The following PCDH9 variants were observed in gnomAD, a reference collection of about 807,000 sequenced individuals.
PCDH9 encodes protocadherin-9.
PCDH9 carries 24 observed loss-of-function variants against 70.6 expected under a neutral mutation model. The observed-to-expected ratio is 0.34, with a 90% CI of 0.25 to 0.48. The LOEUF is 0.48. Among genes scored for constraint, PCDH9 ranks in the 20% least tolerant of loss-of-function variants. The probability of loss-of-function intolerance (pLI) is 0.99; values close to 1 mark genes in which losing one functional copy is unlikely to be tolerated. For synonymous variants in PCDH9, 562 were observed against 558.5 expected (o/e 1.01, Z -0.09); for missense variants, 1,281 against 1,503.6 (o/e 0.85, Z 2.45).
At chr13:66,383,036 CAA>C (rs1956874282) in intron 4 of PCDH9, among the ~76,000 whole-genome samples, 2 of 12,342 alleles carry the variant, frequency 1.6e-4, no homozygotes, top group Admixed American at 1.3e-3. Context: ...TCAAAACAAA[CAA>C]AAACAAACAA....
chr13:66,636,128 G>C (rs2077633875), intron 3 of PCDH9, among the ~76,000 whole-genome samples: 1 of 152,048 alleles, frequency 6.6e-6, no homozygotes, highest in Middle Eastern at 3.2e-3. Context: ...CATATACCAA[G>C]TGTTTAAAGT....
chr13:66,397,842 A>G (rs1040718110), intron 4 of PCDH9, among the ~76,000 whole-genome samples: 1 of 151,996 alleles, frequency 6.6e-6, no homozygotes, highest in Admixed American at 6.6e-5. Context: ...ATGCAAAATA[A>G]CAAAAAATTA....
chr13:66,979,371 A>C (rs2083690872), intron 2 of PCDH9, among the ~76,000 whole-genome samples: 1 of 152,154 alleles, frequency 6.6e-6, no homozygotes, highest in African/African-American at 2.4e-5. Flanking sequence ...TTTTATCCAA[A>C]GTCTGTAAAT....
chr13:66,395,464 G>A (rs895297237), intron 4 of PCDH9, among the ~76,000 whole-genome samples: 20 of 151,964 alleles, frequency 1.3e-4, no homozygotes, highest in Non-Finnish European at 2.6e-4. Context: ...AGCAGGGCAC[G>A]GTGGCACGCG....
At chr13:67,224,640 C>T (rs538695528) in intron 2 of PCDH9, 5 of 192,568 alleles carry the variant, frequency 2.6e-5, no homozygotes, top group African/African-American at 9.5e-5. Flanking sequence ...TGAGTTATGA[C>T]AGATCACTTA....
At chr13:66,390,229 A>C (rs1295685832) in intron 4 of PCDH9, among the ~76,000 whole-genome samples, 1 of 152,198 alleles carries the variant, frequency 6.6e-6, no homozygotes, top group Non-Finnish European at 1.5e-5. Flanking sequence ...GGCAAGCATG[A>C]TAGACTAAGC....
chr13:67,226,416 G>A lies in PCDH9; in HGVS notation c.2025C>T (p.Val675=). 1 of 1,614,118 alleles carries A rather than the reference G, an allele frequency of 6.2e-7. No homozygotes were observed. The highest frequency in any genetic ancestry group is 8.5e-7 in the Non-Finnish European group (1 of 1,180,022). Residue 675 remains valine, a synonymous_variant, in exon 2 of 5, where the codon GTC becomes GTT. Transcript: ENST00000377865. The surrounding 1 kb of genome is among the most constrained non-coding windows in gnomAD (Gnocchi z 5.0). ...AGGAAGTATTAGACGGTGGAGAAATGACAACTGGGCTGTTGTCATTGACAT... is the reference window on the plus strand; with the variant it reads ...AGGAAGTATTAGACGGTGGAGAAATAACAACTGGGCTGTTGTCATTGACAT... ...VMDVNDNSPV[V]ISPPSNTSFK...
intron 4 of PCDH9, among the ~76,000 whole-genome samples, chr13:66,596,088 T>G (rs1226657811): frequency 6.6e-6 from 1 of 151,642 alleles, no homozygotes; most frequent in Non-Finnish European, 1.5e-5. Context: ...CCAGAATATA[T>G]TAGATTCCCA....
intron 2 of PCDH9, among the ~76,000 whole-genome samples, chr13:67,068,212 G>A (rs1394368211): frequency 6.6e-6 from 1 of 151,536 alleles, no homozygotes; most frequent in African/African-American, 2.4e-5. Context: ...TAGGTAAATG[G>A]AGTCTATAAA....
intron 3 of PCDH9, among the ~76,000 whole-genome samples, chr13:66,638,362 T>C (rs1157181811): frequency 6.6e-6 from 1 of 152,046 alleles, no homozygotes; most frequent in African/African-American, 2.4e-5. Flanking sequence ...TATTAATCAG[T>C]AGAAATCTAG....
intron 3 of PCDH9, among the ~76,000 whole-genome samples, chr13:66,700,951 T>C (rs557107246): frequency 7.4e-6 from 1 of 134,870 alleles, no homozygotes; most frequent in African/African-American, 2.8e-5. Context: ...TATATATATA[T>C]ATATATATAT....
chr13:66,681,093 A>C (rs1470976634), intron 3 of PCDH9, among the ~76,000 whole-genome samples: 1 of 152,018 alleles, frequency 6.6e-6, no homozygotes, highest in African/African-American at 2.4e-5. Flanking sequence ...CAGAAGTCAC[A>C]CAGAAGTTAC....
At chr13:66,479,960 T>A (rs532731130) in intron 4 of PCDH9, among the ~76,000 whole-genome samples, 3 of 152,286 alleles carry the variant, frequency 2.0e-5, no homozygotes, top group Admixed American at 2.0e-4. Flanking sequence ...GGAAGCTTTG[T>A]TCTTTCACTC....
chr13:66,995,707 C>T (rs2084100029), intron 2 of PCDH9, among the ~76,000 whole-genome samples: 2 of 152,072 alleles, frequency 1.3e-5, no homozygotes, highest in South Asian at 4.1e-4. Context: ...TTGAGCTTTT[C>T]TTCTTTCAGG....
rs968749712 is a variant in PCDH9, at chr13:66,776,369, T to C, written c.3138+127135A>G. 4.6e-5 allele frequency among the ~76,000 whole-genome samples: 7 copies of C among 150,784 alleles called. No homozygotes were observed. In the East Asian group the frequency reaches 9.8e-4, roughly 21 times the overall value. Reference sequence around the variant, plus strand: ...TGTTTGCAGACGACATGATTGTTTATCTAGAAAACCCCATTGTCTCAGCCC... The same window carrying C: ...TGTTTGCAGACGACATGATTGTTTACCTAGAAAACCCCATTGTCTCAGCCC... On this transcript the variant is annotated intron_variant, in intron 3 of 4. Coordinates refer to ENST00000377865, the MANE Select transcript of PCDH9 (RefSeq NM_203487.3).
intron 4 of PCDH9, among the ~76,000 whole-genome samples, chr13:66,576,041 A>T (rs2076810310): frequency 6.6e-6 from 1 of 151,362 alleles, no homozygotes; most frequent in African/African-American, 2.4e-5. Flanking sequence ...AATAAAAAAG[A>T]TCAATTATCA....
intron 3 of PCDH9, among the ~76,000 whole-genome samples, chr13:66,789,528 G>A (rs1330093855): frequency 6.6e-6 from 1 of 151,622 alleles, no homozygotes; most frequent in African/African-American, 2.4e-5. Flanking sequence ...TTTCCAGCTA[G>A]GAACATTTTT....
intron 2 of PCDH9, among the ~76,000 whole-genome samples, chr13:66,930,852 AAAC>A (rs1217506670): frequency 1.3e-5 from 2 of 152,166 alleles, no homozygotes; most frequent in African/African-American, 4.8e-5. Flanking sequence ...CTGGGAAACC[AAAC>A]AAATTTCCTT....
intron 3 of PCDH9, among the ~76,000 whole-genome samples, chr13:66,868,060 T>C (rs1297068394): frequency 1.3e-5 from 2 of 152,020 alleles, no homozygotes; most frequent in Admixed American, 6.6e-5. Context: ...TTTAAATAGG[T>C]TTCCTAGACT....
Sources: allele counts gnomAD v4.1 joint callset (sites outside exome capture counted in the v4.1 genomes callset), GRCh38; gene constraint gnomAD v4.1.1; non-coding constraint Gnocchi (gnomAD v3.1); transcripts MANE v1.5; gene names NCBI Gene and HGNC (gene_info 2026-07-23, HGNC 2026-07-21).